The following SLC24A2 variants were observed in gnomAD, a reference collection of about 807,000 sequenced individuals.
SLC24A2 encodes solute carrier family 24 member 2.
SLC24A2 carries 36 observed loss-of-function variants against 62.0 expected under a neutral mutation model. That is an observed-to-expected ratio of 0.58 (90% CI 0.44 to 0.77). The LOEUF is 0.77. Ranked by LOEUF, SLC24A2 falls within the 30% of genes least tolerant of loss-of-function variation. The pLI is 0.00. For missense variants in SLC24A2, 846 were observed against 817.9 expected (o/e 1.03, Z -0.42); for synonymous variants, 358 against 294.0 (o/e 1.22, Z -2.23).
At chr9:19,764,895 G>A (rs1437797909) in intron 2 of SLC24A2, among the ~76,000 whole-genome samples, 5 of 152,140 alleles carry the variant, frequency 3.3e-5, no homozygotes, top group African/African-American at 7.2e-5. Flanking sequence ...ACAGTGGGGT[G>A]TTAAAGTCTC....
At chr9:19,987,846 C>T in the SLC24A2 span, among the ~76,000 whole-genome samples, 4 of 152,312 alleles carry the variant, frequency 2.6e-5, no homozygotes, top group Admixed American at 2.0e-4. Context: ...ATAGAGGAAA[C>T]ATTTCCTTCG....
chr9:19,822,405 G>C, the SLC24A2 span, among the ~76,000 whole-genome samples: 1 of 152,040 alleles, frequency 6.6e-6, no homozygotes, highest in African/African-American at 2.4e-5. Context: ...ATTATTTCTT[G>C]ACAAAGTCCT....
chr9:19,638,124 G>A lies in SLC24A2; in HGVS notation c.931-15825C>T, dbSNP rs189181284. ...GAAGAGTAAATAGCCCAAGGCCTCAGATGCAATACCTTGTAAAGTTGGGGG... is the reference window on the plus strand; with the variant it reads ...GAAGAGTAAATAGCCCAAGGCCTCAAATGCAATACCTTGTAAAGTTGGGGG... On this transcript the variant is annotated intron_variant, in intron 2 of 10. Transcript: ENST00000341998. 5.9e-5 allele frequency among the ~76,000 whole-genome samples: 9 copies of A among 152,324 alleles called. No homozygotes were observed. In the East Asian group the frequency reaches 1.7e-3, roughly 29 times the overall value.
chr9:19,577,054 A>G, intron 5 of SLC24A2, 32 bp from the exon 6 acceptor site: 1 of 1,565,968 alleles, frequency 6.4e-7, no homozygotes, highest in Non-Finnish European at 8.8e-7. Context: ...GGAAGGAGAC[A>G]CAATGAGAAA....
chr9:19,930,510 T>A, the SLC24A2 span, among the ~76,000 whole-genome samples: 1 of 152,120 alleles, frequency 6.6e-6, no homozygotes, highest in Non-Finnish European at 1.5e-5. Flanking sequence ...TGTGTCCCCA[T>A]CATGAAGTGA....
intron 2 of SLC24A2, among the ~76,000 whole-genome samples, chr9:19,675,057 G>C (rs900866801): frequency 6.6e-6 from 1 of 152,148 alleles, no homozygotes; most frequent in African/African-American, 2.4e-5. Context: ...GCTCCCTTGA[G>C]GTAGTGCTCT....
intron 7 of SLC24A2, among the ~76,000 whole-genome samples, chr9:19,554,872 G>A (rs1356969624): frequency 2.6e-5 from 4 of 152,158 alleles, no homozygotes; most frequent in Non-Finnish European, 5.9e-5. Flanking sequence ...GAGATAATCA[G>A]AAACTGATGA....
chr9:20,099,861 A>G, the SLC24A2 span, among the ~76,000 whole-genome samples: 1 of 152,040 alleles, frequency 6.6e-6, no homozygotes, highest in Non-Finnish European at 1.5e-5. Context: ...GCCCCCTTCT[A>G]CTGAAATATG....
intron 8 of SLC24A2, among the ~76,000 whole-genome samples, chr9:19,534,988 G>C (rs1316001809): frequency 6.6e-6 from 1 of 152,160 alleles, no homozygotes; most frequent in Non-Finnish European, 1.5e-5. Flanking sequence ...GTGTAAAAGT[G>C]TTCCTATTTC....
intron 5 of SLC24A2, among the ~76,000 whole-genome samples, chr9:19,589,862 A>C (rs1242508508): frequency 1.3e-5 from 2 of 152,202 alleles, no homozygotes; most frequent in Non-Finnish European, 2.9e-5. Context: ...TGAGCATTGC[A>C]AAAGAAGGGG....
chr9:20,258,823 ATCTATCTATCTG>A, the SLC24A2 span, among the ~76,000 whole-genome samples: 434 of 147,000 alleles, frequency 3.0e-3, 1 homozygote, highest in East Asian at 8.3e-3. Context: ...TACCTTATCT[ATCTATCTATCTG>A]TCTATCTATC....
the SLC24A2 span, among the ~76,000 whole-genome samples, chr9:19,820,282 G>T: frequency 1.3e-5 from 2 of 149,692 alleles, no homozygotes; most frequent in Non-Finnish European, 3.0e-5. Context: ...TGGGGGTTTG[G>T]GGGGAAGAGT....
the SLC24A2 span, among the ~76,000 whole-genome samples, chr9:20,217,783 G>C: frequency 6.6e-6 from 1 of 152,102 alleles, no homozygotes; most frequent in African/African-American, 2.4e-5. Flanking sequence ...ATGTGTTTTG[G>C]CTTCCTTTAC....
At chr9:20,012,397 C>A in the SLC24A2 span, among the ~76,000 whole-genome samples, 1 of 152,126 alleles carries the variant, frequency 6.6e-6, no homozygotes, top group Admixed American at 6.5e-5. Context: ...GAAAGACCTG[C>A]CCCTATGATT....
chr9:20,258,754 C>T, the SLC24A2 span, among the ~76,000 whole-genome samples: 2 of 150,762 alleles, frequency 1.3e-5, no homozygotes, highest in African/African-American at 2.5e-5. Context: ...CCTAATGAAT[C>T]TCCTCTCATT....
the SLC24A2 span, among the ~76,000 whole-genome samples, chr9:20,193,056 A>G: frequency 6.6e-6 from 1 of 152,200 alleles, no homozygotes; most frequent in East Asian, 1.9e-4. Flanking sequence ...TAAGAGGTCT[A>G]AAGTCAGAAT....
chr9:19,780,971 A>G (rs1439362601), intron 2 of SLC24A2, among the ~76,000 whole-genome samples: 1 of 152,074 alleles, frequency 6.6e-6, no homozygotes, highest in Non-Finnish European at 1.5e-5. Context: ...AAAAAATTCT[A>G]AAAAGAAACA....
the SLC24A2 span, among the ~76,000 whole-genome samples, chr9:20,240,955 A>G: frequency 1.3e-5 from 2 of 152,226 alleles, no homozygotes; most frequent in African/African-American, 4.8e-5. Flanking sequence ...GAATTGAGGC[A>G]CAGTTTCAGG....
intron 2 of SLC24A2, among the ~76,000 whole-genome samples, chr9:19,676,238 C>T (rs559692642): frequency 6.6e-6 from 1 of 152,314 alleles, no homozygotes; most frequent in South Asian, 2.1e-4. Context: ...TCTACCGGGG[C>T]CTGCAGGAGC....
Sources: gnomAD v4.1 joint callset for allele counts (sites outside exome capture counted in the v4.1 genomes callset) on GRCh38, gnomAD v4.1.1 for gene constraint, MANE v1.5 for transcripts, NCBI Gene and HGNC (gene_info 2026-07-23, HGNC 2026-07-21) for gene names.